The following TMEM178B variants were observed in gnomAD, a reference collection of about 807,000 sequenced individuals.
TMEM178B encodes transmembrane protein 178B.
Under a neutral mutation model 31.0 loss-of-function variants are expected in TMEM178B, and 5 were observed. The observed-to-expected ratio is 0.16, with a 90% confidence interval of 0.08 to 0.34. The LOEUF (loss-of-function observed/expected upper bound fraction) is 0.34. Among genes scored for constraint, TMEM178B ranks in the 10% least tolerant of loss-of-function variants. The probability of loss-of-function intolerance (pLI) is 1.00; values close to 1 mark genes in which losing one functional copy is unlikely to be tolerated. For synonymous variants in TMEM178B, 164 were observed against 164.0 expected (o/e 1.00, Z 0.00); for missense variants, 275 against 400.3 (o/e 0.69, Z 2.67).
chr7:141,162,520 A>G (rs1282893498), intron 1 of TMEM178B, among the ~76,000 whole-genome samples: 6 of 152,240 alleles, frequency 3.9e-5, no homozygotes, highest in Admixed American at 3.3e-4. Flanking sequence ...GCCTTTTAGC[A>G]CTACTGCCTA....
intron 1 of TMEM178B, among the ~76,000 whole-genome samples, chr7:141,089,394 A>C (rs1423430941): frequency 6.6e-6 from 1 of 152,230 alleles, no homozygotes; most frequent in African/African-American, 2.4e-5. Context: ...AAATAGGAAC[A>C]CTTTTACACT....
At chr7:141,354,589 A>G (rs1799787531) in intron 2 of TMEM178B, among the ~76,000 whole-genome samples, 1 of 152,112 alleles carries the variant, frequency 6.6e-6, no homozygotes, top group African/African-American at 2.4e-5. Flanking sequence ...AGTTTCTTGT[A>G]TTCTTTCGTA....
At chr7:141,105,962 G>A (rs1157078310) in intron 1 of TMEM178B, among the ~76,000 whole-genome samples, 1 of 151,826 alleles carries the variant, frequency 6.6e-6, no homozygotes, top group Non-Finnish European at 1.5e-5. Flanking sequence ...GGGCGTGGTA[G>A]TGCACGCCTA....
intron 2 of TMEM178B, among the ~76,000 whole-genome samples, chr7:141,361,008 A>T (rs1256999811): frequency 1.3e-5 from 2 of 152,200 alleles, no homozygotes; most frequent in Admixed American, 1.3e-4. Context: ...CAAGAAGGGA[A>T]CAATCAATGA....
chr7:141,214,994 T>C (rs568026924), intron 2 of TMEM178B, among the ~76,000 whole-genome samples: 1 of 152,264 alleles, frequency 6.6e-6, no homozygotes, highest in African/African-American at 2.4e-5. Flanking sequence ...CTGACATCGA[T>C]GACAGTTATT....
the TMEM178B span, among the ~76,000 whole-genome samples, chr7:141,490,759 G>T: frequency 6.6e-6 from 1 of 152,290 alleles, no homozygotes; most frequent in African/African-American, 2.4e-5. Flanking sequence ...TCAGCATAAG[G>T]TTGCTCCCTT....
chr7:141,340,640 A>G (rs1799501064), intron 2 of TMEM178B, among the ~76,000 whole-genome samples: 1 of 152,224 alleles, frequency 6.6e-6, no homozygotes, highest in African/African-American at 2.4e-5. Context: ...TTTCAGGAAA[A>G]TATCTAAGGA....
chr7:141,164,268 C>A (rs780179249), intron 1 of TMEM178B, among the ~76,000 whole-genome samples: 1 of 152,222 alleles, frequency 6.6e-6, no homozygotes, highest in Non-Finnish European at 1.5e-5. Flanking sequence ...GGTCAGTAAT[C>A]TATTCCGAAA....
intron 2 of TMEM178B, among the ~76,000 whole-genome samples, chr7:141,361,461 A>G (rs1231319732): frequency 6.6e-6 from 1 of 152,210 alleles, no homozygotes; most frequent in Non-Finnish European, 1.5e-5. Flanking sequence ...TAAGATGTGT[A>G]TTGTTTGATG....
At chr7:141,436,103 G>A (rs1262082184) in intron 2 of TMEM178B, among the ~76,000 whole-genome samples, 1 of 152,168 alleles carries the variant, frequency 6.6e-6, no homozygotes, top group Non-Finnish European at 1.5e-5. Flanking sequence ...CTACAGAGGG[G>A]TCTTAAGCCA....
intron 3 of TMEM178B, among the ~76,000 whole-genome samples, chr7:141,442,139 G>C (rs952937447): frequency 1.3e-5 from 2 of 152,170 alleles, no homozygotes; most frequent in Admixed American, 6.5e-5. Context: ...CCCTTGCTGG[G>C]TGCACCTCAG....
chr7:141,276,645 C>T (rs886802349), intron 2 of TMEM178B, among the ~76,000 whole-genome samples: 9 of 152,142 alleles, frequency 5.9e-5, no homozygotes, highest in African/African-American at 1.7e-4. Flanking sequence ...TCCCATGACA[C>T]GTGGGGATCA....
intron 2 of TMEM178B, among the ~76,000 whole-genome samples, chr7:141,335,213 C>G (rs1264264598): frequency 6.6e-6 from 1 of 152,160 alleles, no homozygotes. Flanking sequence ...GAACAAGCAG[C>G]ACTGTTAGGA....
intron 1 of TMEM178B, among the ~76,000 whole-genome samples, chr7:141,160,198 T>A (rs1207399988): frequency 1.3e-5 from 2 of 151,996 alleles, no homozygotes; most frequent in Non-Finnish European, 2.9e-5. Flanking sequence ...CTTTTATCCC[T>A]CACCCCACTC....
chr7:141,366,122 G>A (rs1799999924), intron 2 of TMEM178B, among the ~76,000 whole-genome samples: 1 of 152,232 alleles, frequency 6.6e-6, no homozygotes. Context: ...GGTCAGAGAT[G>A]ATGACTGCTG....
chr7:141,354,334 G>GA (rs1485884085), intron 2 of TMEM178B, among the ~76,000 whole-genome samples: 1 of 152,310 alleles, frequency 6.6e-6, no homozygotes, highest in African/African-American at 2.4e-5. Context: ...ATGTATCAGA[G>GA]AAATACATTG....
the TMEM178B span, among the ~76,000 whole-genome samples, chr7:141,502,769 T>TAAAAAAAA: frequency 6.8e-6 from 1 of 146,270 alleles, no homozygotes; most frequent in African/African-American, 2.6e-5. Context: ...AAACTCAGTC[T>TAAAAAAAA]AAAAAAAAAA....
At chr7:141,221,958 G>A (rs571941266) in intron 2 of TMEM178B, among the ~76,000 whole-genome samples, 1 of 152,278 alleles carries the variant, frequency 6.6e-6, no homozygotes, top group African/African-American at 2.4e-5. Flanking sequence ...TCTAAGGGTG[G>A]GACCCAAGAA....
At chr7:141,157,427 G>GCA (rs111942925) in intron 1 of TMEM178B, among the ~76,000 whole-genome samples, 102 of 150,594 alleles carry the variant, frequency 6.8e-4, no homozygotes, top group African/African-American at 2.3e-3. Flanking sequence ...CTGCGCGCGT[G>GCA]CACACACACA....
Sources: allele counts gnomAD v4.1 joint callset (sites outside exome capture counted in the v4.1 genomes callset), GRCh38; gene constraint gnomAD v4.1.1; transcripts MANE v1.5; gene names NCBI Gene and HGNC (gene_info 2026-07-23, HGNC 2026-07-21).